The following FHOD3 variants were observed in gnomAD, a reference collection of about 807,000 sequenced individuals.
The protein encoded by FHOD3 is FH1/FH2 domain-containing protein 3.
A neutral mutation model predicts 173.0 loss-of-function variants in FHOD3; 90 were observed. That is an observed-to-expected ratio of 0.52 (90% CI 0.44 to 0.62). The LOEUF (loss-of-function observed/expected upper bound fraction) is 0.62, where lower values mean the gene tolerates loss of function less well. FHOD3 is among the 20% of genes least tolerant of loss of function. The pLI, the probability that FHOD3 is intolerant of heterozygous loss-of-function variation, is 0.00. For missense variants in FHOD3, 1,945 were observed against 2,034.7 expected, an observed-to-expected ratio of 0.96 and a Z score of 0.85; for synonymous variants, 828 against 823.0, an observed-to-expected ratio of 1.01 and a Z score of -0.10.
rs866452527 is a variant in FHOD3 at position 36,668,162 on chromosome 18, A to G, written c.1835+9974A>G. ...AAGACTGGAGCTTTCTTCAAGGGAAAGTTTAAAACCACAAATTCAATGCCT... is the reference window on the plus strand; with the variant it reads ...AAGACTGGAGCTTTCTTCAAGGGAAGGTTTAAAACCACAAATTCAATGCCT... On this transcript the variant is annotated intron_variant, in intron 14 of 28. Coordinates refer to ENST00000590592, the MANE Select transcript of FHOD3 (RefSeq NM_001281740.3). Among the ~76,000 whole-genome samples the G allele has an allele frequency of 3.3e-5, 5 of 152,184 alleles. No homozygotes were observed. The South Asian group carries it at 8.3e-4, about 25-fold the overall frequency.
At chr18:36,404,908 T>C (rs888051080) in intron 3 of FHOD3, among the ~76,000 whole-genome samples, 2 of 152,252 alleles carry the variant, frequency 1.3e-5, no homozygotes, top group African/African-American at 4.8e-5. Flanking sequence ...ATTTATACTC[T>C]GATATGAAAC....
intron 5 of FHOD3, among the ~76,000 whole-genome samples, chr18:36,534,792 G>A (rs978588107): frequency 6.6e-6 from 1 of 152,158 alleles, no homozygotes; most frequent in Non-Finnish European, 1.5e-5. Flanking sequence ...GGCTCTGGAG[G>A]CACACTCCAG....
intron 3 of FHOD3, among the ~76,000 whole-genome samples, chr18:36,427,489 C>CTTTCT (rs2147185723): frequency 1.3e-5 from 2 of 152,240 alleles, no homozygotes; most frequent in African/African-American, 4.8e-5. Flanking sequence ...GGGAGAACTT[C>CTTTCT]TTTCTTTCTG....
intron 5 of FHOD3, among the ~76,000 whole-genome samples, chr18:36,529,146 G>A (rs1430952082): frequency 6.6e-6 from 1 of 152,244 alleles, no homozygotes; most frequent in African/African-American, 2.4e-5. Flanking sequence ...TGCAGATGTA[G>A]CTAAACGCCA....
intron 5 of FHOD3, among the ~76,000 whole-genome samples, chr18:36,552,995 C>G (rs188407998): frequency 0.012 from 1,808 of 152,246 alleles, 41 homozygotes; most frequent in African/African-American, 0.041. Flanking sequence ...TATGTCCCAT[C>G]AATACCTAGT....
Position 36,531,028 on chromosome 18 carries a change from A to T in FHOD3, c.511+18485A>T, listed in dbSNP as rs75602245. On this transcript the variant is annotated intron_variant, in intron 5 of 28. Transcript: ENST00000590592. ...CATGGTTGAATTAGTTCAGTGTCCA[A>T]TGGCTGGCCTGGCTGGACACAGGAT... is the stretch of plus-strand genomic sequence containing the variant. Among the ~76,000 whole-genome samples the T allele has an allele frequency of 1.2e-3, 178 of 152,260 alleles. 1 individual carries two copies. Among genetic ancestry groups the T allele is most frequent in the African/African-American group, 3.9e-3 (163 of 41,556 alleles).
At chr18:36,608,321 G>T (rs1014716759) in intron 8 of FHOD3, among the ~76,000 whole-genome samples, 4 of 152,234 alleles carry the variant, frequency 2.6e-5, no homozygotes, top group Admixed American at 6.5e-5. Flanking sequence ...GATACACAGG[G>T]TGAGGGAGGT....
At chr18:36,518,607 CCTAT>C (rs931984481) in intron 5 of FHOD3, among the ~76,000 whole-genome samples, 4 of 152,116 alleles carry the variant, frequency 2.6e-5, no homozygotes, top group Non-Finnish European at 4.4e-5. Context: ...TTTTGTGTGC[CCTAT>C]CTAACAGGTT....
At chr18:36,709,559 C>T (rs2040058135) in intron 18 of FHOD3, 168 bp downstream of exon 18, 1 of 686,548 alleles carries the variant, frequency 1.5e-6, no homozygotes, top group Middle Eastern at 4.1e-4. Flanking sequence ...GCCACGCTGG[C>T]AGCCAGCCAG....
rs576475174 is a variant in FHOD3, at chr18:36,475,471, G to A, written c.338-26461G>A. 3.3e-5 allele frequency among the ~76,000 whole-genome samples: 5 copies of A among 151,290 alleles called. No homozygotes were observed. In the East Asian group the frequency reaches 7.8e-4, roughly 24 times the overall value. ...TAGTTCAAGCAGTCTGAATCTCCTC[G>A]TGGAGGGGTTGGGTGCGGGGTGGGA... On this transcript the variant is annotated intron_variant, in intron 3 of 28. Transcript: ENST00000590592.
chr18:36,544,853 G>T (rs2057355553), intron 5 of FHOD3, among the ~76,000 whole-genome samples: 1 of 152,160 alleles, frequency 6.6e-6, no homozygotes, highest in South Asian at 2.1e-4. Context: ...TTTGAACAGA[G>T]AAATTTTACA....
intron 3 of FHOD3, among the ~76,000 whole-genome samples, chr18:36,485,189 A>G (rs1164519348): frequency 6.6e-6 from 1 of 152,130 alleles, no homozygotes; most frequent in African/African-American, 2.4e-5. Flanking sequence ...CTTATCATGT[A>G]CCAGTCAGAG....
chr18:36,343,378 CATT>C (rs1214541623), intron 1 of FHOD3, among the ~76,000 whole-genome samples: 1 of 152,176 alleles, frequency 6.6e-6, no homozygotes, highest in African/African-American at 2.4e-5. Flanking sequence ...GCCCATAAAA[CATT>C]ATGCTTAGTG....
At chr18:36,344,876 G>A (rs1265151366) in intron 1 of FHOD3, among the ~76,000 whole-genome samples, 4 of 152,130 alleles carry the variant, frequency 2.6e-5, no homozygotes, top group African/African-American at 9.7e-5. Flanking sequence ...AAAGAAAGTA[G>A]CATGCCTGTA....
intron 3 of FHOD3, among the ~76,000 whole-genome samples, chr18:36,381,275 A>G (rs181957303): frequency 4.3e-4 from 65 of 152,358 alleles, no homozygotes; most frequent in Non-Finnish European, 8.1e-4. Context: ...CAGCTGAGAA[A>G]AATGGACTTC....
At chr18:36,525,991 G>T (rs1016276988) in intron 5 of FHOD3, among the ~76,000 whole-genome samples, 2 of 152,222 alleles carry the variant, frequency 1.3e-5, no homozygotes, top group Non-Finnish European at 2.9e-5. Context: ...TGATCACTTG[G>T]GTGATCTTGG....
At chr18:36,498,350 C>G (rs1350156097) in intron 3 of FHOD3, among the ~76,000 whole-genome samples, 9 of 151,910 alleles carry the variant, frequency 5.9e-5, no homozygotes, top group Non-Finnish European at 4.4e-5. Context: ...AAATAGAAAT[C>G]AGAAAAGCAG....
chr18:36,676,088 A>G lies in FHOD3; in HGVS notation c.1836-5348A>G, dbSNP rs1049372278. ...AAATTTTAGATAAATCTAGAAAGTT[A>G]TAGAGCAATAAAGAGTATCAGATAT... On this transcript the variant is annotated intron_variant, in intron 14 of 28. Coordinates refer to ENST00000590592, the MANE Select transcript of FHOD3 (RefSeq NM_001281740.3). Among the ~76,000 whole-genome samples the G allele has an allele frequency of 2.6e-5, 4 of 152,240 alleles. No homozygotes were observed. The East Asian group carries it at 5.8e-4, about 22-fold the overall frequency.
intron 5 of FHOD3, among the ~76,000 whole-genome samples, chr18:36,554,638 A>AT (rs2057798780): frequency 6.6e-6 from 1 of 152,222 alleles, no homozygotes; most frequent in Non-Finnish European, 1.5e-5. Context: ...TATAATAATA[A>AT]TAAAAAAAAG....
Sources: allele counts gnomAD v4.1 joint callset (sites outside exome capture counted in the v4.1 genomes callset), GRCh38; gene constraint gnomAD v4.1.1; transcripts MANE v1.5; gene names NCBI Gene and HGNC (gene_info 2026-07-23, HGNC 2026-07-21).